PRTG: variants seen among roughly 807,000 people sequenced by gnomAD.
PRTG encodes the protein protogenin.
In PRTG, 67 loss-of-function variants were observed where a neutral mutation model predicts 122.5. The ratio of observed to expected loss-of-function variants is 0.55; its 90% CI spans 0.45 to 0.67. PRTG has a LOEUF of 0.67. PRTG is among the 30% of genes least tolerant of loss of function. The pLI, the probability that PRTG is intolerant of heterozygous loss-of-function variation, is 0.00. For synonymous variants in PRTG, 554 were observed against 501.1 expected (o/e 1.11, Z -1.41); for missense variants, 1,435 against 1,415.4 (o/e 1.01, Z -0.22).
At chr15:55,628,402 AC>A (rs1250247798) in intron 16 of PRTG, among the ~76,000 whole-genome samples, 230 of 141,302 alleles carry the variant, frequency 1.6e-3, no homozygotes, top group African/African-American at 5.7e-3. Context: ...AAAAAAAAAA[AC>A]TTTCTCTCCA....
chr15:55,647,764 A>G (rs767354200), intron 11 of PRTG, among the ~76,000 whole-genome samples: 2 of 152,238 alleles, frequency 1.3e-5, no homozygotes, highest in Non-Finnish European at 2.9e-5. Flanking sequence ...GCTTATGAAT[A>G]TCAAAGATCT....
chr15:55,672,727 T>C (rs1301876573), intron 10 of PRTG, 94 bp from the exon 11 acceptor site: 14 of 906,014 alleles, frequency 1.5e-5, no homozygotes, highest in Middle Eastern at 7.0e-4. Flanking sequence ...AAGCAAACAA[T>C]TACCAAAAGG....
At position 55,679,325 on chromosome 15, in the gene PRTG, C is replaced by T. The variant is rs1275504229; in HGVS notation, c.1094G>A (p.Arg365Lys). ...AATTCTACCATTCGAATGTATCTTC[C>T]TTCCATTTTTCAACCATGACATCTT... ...SPKMSWLKNGRKIHSNGRIKM... is the reference protein window; with the variant it reads ...SPKMSWLKNGKKIHSNGRIKM... The change falls in exon 7 of 20, where the codon AGG becomes AAG. Residue 365 changes from arginine (R) to lysine (K), a missense_variant. Physicochemically the swap from Arg to Lys is conservative, Grantham distance 26. Transcript: ENST00000389286. 4 of 1,612,904 alleles carry T rather than the reference C, an allele frequency of 2.5e-6. No homozygotes were observed. Among genetic ancestry groups the T allele is most frequent in the East Asian group, 2.2e-5 (1 of 44,860 alleles).
Position 55,620,277 on chromosome 15 carries a change from A to G in PRTG, c.3199-11T>C. On this transcript the variant is annotated splice_polypyrimidine_tract_variant and intron_variant, in intron 19 of 19. Coordinates refer to ENST00000389286, the MANE Select transcript of PRTG (RefSeq NM_173814.6). Reference sequence around the variant, plus strand: ...AAATCTTCTTTGAGGCTAGGCAAAAAAAGATAAGATGGCAATGAGATACCA... The same window carrying G: ...AAATCTTCTTTGAGGCTAGGCAAAAGAAGATAAGATGGCAATGAGATACCA... 3 of 1,613,082 alleles carry G rather than the reference A, an allele frequency of 1.9e-6. No homozygotes were observed. Among genetic ancestry groups the G allele is most frequent in the South Asian group, 2.2e-5 (2 of 90,966 alleles).
rs1354985622 is a variant in PRTG, at chr15:55,642,134, A to G, written c.2042-926T>C. ...GCTTGCAGTGAGCCGAGATTGCGCC[A>G]CTGCAGTCCGCAGTCCGGCCTGGGC... On this transcript the variant is annotated intron_variant, in intron 11 of 19. Transcript: ENST00000389286. Among the ~76,000 whole-genome samples, 3 of 136,494 alleles carry G rather than the reference A, an allele frequency of 2.2e-5. No individual in the cohort carries two copies. In the East Asian group the frequency reaches 6.0e-4, roughly 27 times the overall value. The allele number at this position is 136,494 out of a possible 152,430, so 89.5% of individuals were successfully genotyped here.
rs1263718382 is a variant in PRTG at position 55,677,970 on chromosome 15, G to C, written c.1208C>G (p.Ser403Cys). 1.2e-6 allele frequency: 2 copies of C among 1,612,438 alleles called. No homozygotes were observed. Among genetic ancestry groups the C allele is most frequent in the Admixed American group, 3.3e-5 (2 of 59,978 alleles). ...AGTCAGTCTGGCTCTAGATAAAATAGATCCTTGGCTATTCTCAGCCATGCA... is the reference window on the plus strand; with the variant it reads ...AGTCAGTCTGGCTCTAGATAAAATACATCCTTGGCTATTCTCAGCCATGCA... ...YQCMAENSQG[S>C]ILSRARLTVV... is the part of the protein sequence containing the mutation. The change falls in exon 8 of 20, where the codon TCT becomes TGT. Residue 403 changes from serine to cysteine, a missense_variant. Transcript: ENST00000389286.
chr15:55,641,050 G>A (rs1245542461), intron 12 of PRTG, 63 bp downstream of exon 12: 4 of 1,086,136 alleles, frequency 3.7e-6, no homozygotes, highest in African/African-American at 3.1e-5. Context: ...GTAACTTAAA[G>A]GAGGAGGAGG....
chr15:55,729,684 TGATA>T (rs1393697101), intron 2 of PRTG, among the ~76,000 whole-genome samples: 1 of 152,160 alleles, frequency 6.6e-6, no homozygotes, highest in African/African-American at 2.4e-5. Context: ...TTTAATTCCA[TGATA>T]GACAGAGGCT....
intron 2 of PRTG, among the ~76,000 whole-genome samples, chr15:55,723,271 G>A (rs570349406): frequency 1.9e-4 from 29 of 151,848 alleles, no homozygotes; most frequent in Non-Finnish European, 3.7e-4. Context: ...GGAGAGGTTA[G>A]CACCTAAATA....
rs183558020 is a variant in PRTG, at chr15:55,696,022, C to A, written c.398-12091G>T. On this transcript the variant is annotated intron_variant, in intron 2 of 19. Coordinates refer to ENST00000389286, the MANE Select transcript of PRTG (RefSeq NM_173814.6). ...AGACACAGTGGTTCACACCTGTAATCCCTATGCTTTTGGGGGCCAAGGTGG... is the reference window on the plus strand; with the variant it reads ...AGACACAGTGGTTCACACCTGTAATACCTATGCTTTTGGGGGCCAAGGTGG... 2.2e-3 allele frequency among the ~76,000 whole-genome samples: 341 copies of A among 152,184 alleles called. 2 individuals are homozygous for A. The highest frequency in any genetic ancestry group is 4.1e-3 in the Admixed American group (63 of 15,286).
intron 11 of PRTG, among the ~76,000 whole-genome samples, chr15:55,652,572 G>C (rs1405896803): frequency 6.6e-6 from 1 of 151,992 alleles, no homozygotes; most frequent in East Asian, 1.9e-4. Flanking sequence ...AGAGGCCAGC[G>C]GTACGGCCTG....
intron 11 of PRTG, among the ~76,000 whole-genome samples, chr15:55,644,794 T>A (rs2059311307): frequency 6.6e-6 from 1 of 152,088 alleles, no homozygotes; most frequent in Non-Finnish European, 1.5e-5. Flanking sequence ...ACTCCCAGAA[T>A]AAATTCTGGA....
intron 14 of PRTG, among the ~76,000 whole-genome samples, chr15:55,637,600 G>A (rs1004450915): frequency 2.0e-5 from 3 of 152,040 alleles, no homozygotes; most frequent in African/African-American, 4.8e-5. Flanking sequence ...TTCCTGAAAC[G>A]TTTTGCTAAA....
At chr15:55,709,856 G>A (rs893404239) in intron 2 of PRTG, among the ~76,000 whole-genome samples, 1 of 152,194 alleles carries the variant, frequency 6.6e-6, no homozygotes, top group African/African-American at 2.4e-5. Flanking sequence ...GCGATGGGGA[G>A]GAGGGAGGGA....
chr15:55,660,478 T>C (rs1278232146), intron 11 of PRTG, among the ~76,000 whole-genome samples: 1 of 152,208 alleles, frequency 6.6e-6, no homozygotes, highest in East Asian at 1.9e-4. Flanking sequence ...TGCAGTATGA[T>C]TAATGGACAG....
chr15:55,714,651 C>A (rs1351312185), intron 2 of PRTG, among the ~76,000 whole-genome samples: 1 of 152,072 alleles, frequency 6.6e-6, no homozygotes, highest in African/African-American at 2.4e-5. Context: ...TTAATTATTT[C>A]AGGTGTCATA....
intron 11 of PRTG, among the ~76,000 whole-genome samples, chr15:55,667,220 A>C (rs4392003): frequency 0.56 from 84,896 of 150,724 alleles, 24,267 homozygotes; most frequent in Middle Eastern, 0.7. Flanking sequence ...AAAAAAAAAA[A>C]AACAGATAAT....
intron 11 of PRTG, among the ~76,000 whole-genome samples, chr15:55,660,693 T>G (rs2059405104): frequency 6.6e-6 from 1 of 152,160 alleles, no homozygotes; most frequent in Non-Finnish European, 1.5e-5. Flanking sequence ...AGATGCATCT[T>G]CCTAAGACCA....
intron 2 of PRTG, among the ~76,000 whole-genome samples, chr15:55,732,524 C>T (rs1305039569): frequency 2.4e-5 from 3 of 123,730 alleles, no homozygotes; most frequent in Non-Finnish European, 4.9e-5. Flanking sequence ...GACGGAGTTT[C>T]GCTCTTGCTG....
Sources: gnomAD v4.1 joint callset for allele counts (sites outside exome capture counted in the v4.1 genomes callset) on GRCh38, gnomAD v4.1.1 for gene constraint, MANE v1.5 for transcripts, NCBI Gene and HGNC (gene_info 2026-07-23, HGNC 2026-07-21) for gene names.